Variants in LINGO2 observed in about 807,000 individuals in gnomAD.
LINGO2 encodes leucine-rich repeat and immunoglobulin-like domain-containing nogo receptor-interacting protein 2.
A neutral mutation model predicts 30.6 loss-of-function variants in LINGO2; 14 were observed. That is an observed-to-expected ratio of 0.46 (90% CI 0.30 to 0.72). The LOEUF is 0.72. LINGO2 is among the 30% of genes least tolerant of loss of function. The pLI is 0.07. For synonymous variants in LINGO2, 317 were observed against 288.5 expected, an observed-to-expected ratio of 1.10 and a Z score of -1.00; for missense variants, 729 against 751.7, an observed-to-expected ratio of 0.97 and a Z score of 0.35.
At chr9:28,484,710 T>C (rs1158832380) in intron 1 of LINGO2, among the ~76,000 whole-genome samples, 2 of 152,078 alleles carry the variant, frequency 1.3e-5, no homozygotes, top group South Asian at 2.1e-4. Context: ...GGCTTGTGAC[T>C]AGTGACAAGG....
the LINGO2 span, among the ~76,000 whole-genome samples, chr9:28,686,504 T>C: frequency 5.3e-5 from 8 of 152,144 alleles, 1 homozygote; most frequent in Non-Finnish European, 8.8e-5. Context: ...TGTATCAATA[T>C]TCAAAGGCCC....
intron 4 of LINGO2, among the ~76,000 whole-genome samples, chr9:28,188,495 G>A (rs1029700048): frequency 6.6e-6 from 1 of 152,126 alleles, no homozygotes; most frequent in East Asian, 1.9e-4. Context: ...GAAGACGCCT[G>A]AGATGACTAT....
chr9:28,037,030 T>C (rs999046971), intron 4 of LINGO2, among the ~76,000 whole-genome samples: 1 of 152,228 alleles, frequency 6.6e-6, no homozygotes, highest in African/African-American at 2.4e-5. Context: ...TTGATGTATC[T>C]GTGTATTATT....
chr9:28,664,494 G>A (rs564983814), intron 1 of LINGO2, among the ~76,000 whole-genome samples: 1 of 151,970 alleles, frequency 6.6e-6, no homozygotes, highest in African/African-American at 2.4e-5. Flanking sequence ...AGAGAGAATA[G>A]GGAGTAAGAC....
chr9:29,097,599 T>C, the LINGO2 span, among the ~76,000 whole-genome samples: 3 of 139,156 alleles, frequency 2.2e-5, 1 homozygote, highest in Non-Finnish European at 4.7e-5. Flanking sequence ...CCAATAAAGA[T>C]AATTTTACTT....
the LINGO2 span, among the ~76,000 whole-genome samples, chr9:28,774,556 T>A: frequency 2.6e-5 from 4 of 151,990 alleles, no homozygotes; most frequent in Non-Finnish European, 5.9e-5. Context: ...GTCACTGATG[T>A]GCATGATTTA....
At chr9:28,057,600 T>TAC (rs1308476378) in intron 4 of LINGO2, among the ~76,000 whole-genome samples, 2 of 147,048 alleles carry the variant, frequency 1.4e-5, no homozygotes, top group East Asian at 4.0e-4. Flanking sequence ...TACATATATA[T>TAC]ACACATATAT....
chr9:27,987,016 A>ATC (rs770430979), intron 5 of LINGO2, among the ~76,000 whole-genome samples: 2 of 151,706 alleles, frequency 1.3e-5, no homozygotes, highest in Non-Finnish European at 2.9e-5. Flanking sequence ...TTTTCACTCC[A>ATC]TCTCACTTAT....
intron 1 of LINGO2, among the ~76,000 whole-genome samples, chr9:28,557,681 T>G (rs543686794): frequency 6.9e-4 from 104 of 151,720 alleles, no homozygotes; most frequent in African/African-American, 2.4e-3. Context: ...CATGCTGCTA[T>G]AAAGACACAT....
chr9:28,367,889 AC>A (rs908220452), intron 3 of LINGO2, among the ~76,000 whole-genome samples: 1 of 151,308 alleles, frequency 6.6e-6, no homozygotes, highest in African/African-American at 2.4e-5. Context: ...GGTTTATTGA[AC>A]TTTTTCCCCT....
At chr9:28,643,754 A>G (rs1350777461) in intron 1 of LINGO2, among the ~76,000 whole-genome samples, 1 of 152,122 alleles carries the variant, frequency 6.6e-6, no homozygotes, top group African/African-American at 2.4e-5. Context: ...GACAACCCAC[A>G]GAATGGGAGA....
chr9:28,729,051 T>C, the LINGO2 span, among the ~76,000 whole-genome samples: 148 of 152,262 alleles, frequency 9.7e-4, no homozygotes, highest in African/African-American at 3.2e-3. Flanking sequence ...CTGGCAGGAA[T>C]AGTGTGGAAT....
At chr9:28,939,375 A>G in the LINGO2 span, among the ~76,000 whole-genome samples, 2 of 152,108 alleles carry the variant, frequency 1.3e-5, no homozygotes, top group Admixed American at 1.3e-4. Context: ...CAGACATGCA[A>G]AATAACTTCC....
intron 3 of LINGO2, among the ~76,000 whole-genome samples, chr9:28,365,340 T>C (rs994246006): frequency 5.3e-5 from 8 of 152,168 alleles, no homozygotes; most frequent in Admixed American, 1.3e-4. Flanking sequence ...GTATGTGTCA[T>C]GCTAAAGAGC....
the LINGO2 span, chr9:27,941,562 T>A: frequency 6.6e-6 from 1 of 152,298 alleles, no homozygotes; most frequent in Admixed American, 6.5e-5. Flanking sequence ...ACAATGTGAC[T>A]TTCAGGTACC....
chr9:28,717,998 T>C, the LINGO2 span, among the ~76,000 whole-genome samples: 7 of 151,984 alleles, frequency 4.6e-5, no homozygotes, highest in African/African-American at 1.7e-4. Flanking sequence ...TAAGGCAGTG[T>C]CCCCAAGCAA....
chr9:28,666,841 G>A (rs6476085), intron 1 of LINGO2, among the ~76,000 whole-genome samples: 55,729 of 151,994 alleles, frequency 0.37, 11,504 homozygotes, highest in African/African-American at 0.54. Context: ...TAAAACTAAT[G>A]CATGTTTAAG....
the LINGO2 span, among the ~76,000 whole-genome samples, chr9:29,140,572 G>C: frequency 6.6e-6 from 1 of 151,674 alleles, no homozygotes; most frequent in African/African-American, 2.4e-5. Flanking sequence ...TATTATGGAA[G>C]TCTCAGAAAG....
the LINGO2 span, among the ~76,000 whole-genome samples, chr9:29,056,467 A>G: frequency 6.6e-6 from 1 of 152,034 alleles, no homozygotes; most frequent in African/African-American, 2.4e-5. Flanking sequence ...GATTTGTTTG[A>G]GTTCCTTGTA....
Sources: allele counts gnomAD v4.1 joint callset (sites outside exome capture counted in the v4.1 genomes callset), GRCh38; gene constraint gnomAD v4.1.1; transcripts MANE v1.5; gene names NCBI Gene and HGNC (gene_info 2026-07-23, HGNC 2026-07-21).